The following STAG2 variants were observed in gnomAD, a reference collection of about 807,000 sequenced individuals.
STAG2 encodes STAG2 cohesin complex component.
A neutral mutation model predicts 108.1 loss-of-function variants in STAG2; 14 were observed. The observed-to-expected ratio is 0.13, with a 90% CI of 0.09 to 0.20. STAG2 has a LOEUF of 0.20. Ranked by LOEUF, STAG2 falls within the 10% of genes least tolerant of loss-of-function variation. STAG2 has a pLI of 1.00. For synonymous variants in STAG2, 307 were observed against 302.7 expected, an observed-to-expected ratio of 1.01 and a Z score of -0.15; for missense variants, 440 against 940.9, an observed-to-expected ratio of 0.47 and a Z score of 6.96.
At chrX:124,094,186 C>CT in intron 33 of STAG2, 42 bp downstream of exon 33, 4 of 1,145,802 alleles carry the variant, frequency 3.5e-6, no homozygotes. Flanking sequence ...CAGTTTAGAT[C>CT]TTTTGAAAAT....
chrX:123,984,643 T>A (rs1260160186), intron 1 of STAG2, among the ~76,000 whole-genome samples: 1 of 111,744 alleles, frequency 8.9e-6, no homozygotes, highest in East Asian at 2.8e-4. Flanking sequence ...CAAAATATTT[T>A]ATTTAATTTA....
intron 30 of STAG2, among the ~76,000 whole-genome samples, chrX:124,089,029 C>T (rs954675784): frequency 2.8e-5 from 3 of 106,803 alleles, no homozygotes; most frequent in Non-Finnish European, 5.8e-5. Flanking sequence ...AATTCTCTTG[C>T]CTCAGCCTCC....
At chrX:123,969,156 A>G (rs894159008) in intron 1 of STAG2, among the ~76,000 whole-genome samples, 1 of 112,159 alleles carries the variant, frequency 8.9e-6, no homozygotes, top group Non-Finnish European at 1.9e-5. Flanking sequence ...TTTAATAGTA[A>G]TAGAAGTAGT....
chrX:124,097,069 C>T (rs1252089859), intron 34 of STAG2, among the ~76,000 whole-genome samples: 2 of 106,868 alleles, frequency 1.9e-5, no homozygotes, highest in Admixed American at 2.1e-4. Flanking sequence ...GTCCCAGCTA[C>T]TCAGGAGGGC....
At chrX:123,962,456 A>C (rs910964724) in intron 1 of STAG2, among the ~76,000 whole-genome samples, 2 of 110,733 alleles carry the variant, frequency 1.8e-5, no homozygotes, top group Non-Finnish European at 3.8e-5. Context: ...TTTATTTTTA[A>C]TCCTTAACTG....
At chrX:123,993,733 G>T (rs962209848) in intron 1 of STAG2, among the ~76,000 whole-genome samples, 12 of 111,496 alleles carry the variant, frequency 1.1e-4, no homozygotes, top group African/African-American at 3.9e-4. Flanking sequence ...TATATTAGGG[G>T]ATTTATGAAT....
intron 28 of STAG2, 101 bp from the exon 29 acceptor site, chrX:124,083,319 AG>A: frequency 1.6e-6 from 1 of 636,748 alleles, no homozygotes; most frequent in Non-Finnish European, 2.2e-6. Context: ...TCAAATTAAA[AG>A]CTTGGCAAAG....
rs10218354 is a variant in STAG2, at chrX:124,065,842, T to C, written c.2026-34T>C. On this transcript the variant is annotated intron_variant, in intron 20 of 34. Coordinates refer to ENST00000371145, the MANE Select transcript of STAG2 (RefSeq NM_001042750.2). ...TTTTGATAGCCTAGGAGTTTTCACT[T>C]TGATGGTTCTTAATGTATAATTAAT... The C allele has an allele frequency of 2.2e-3, 2,242 of 1,002,016 alleles. 31 individuals are homozygous for C. The African/African-American group carries it at 0.037, about 17-fold the overall frequency. The allele number at this position is 1,002,016 out of a possible 1,213,427, so 82.6% of individuals were successfully genotyped here. A position where few individuals can be genotyped will look rare whatever the true frequency, so the allele number is the denominator to read the frequency against.
chrX:124,095,206 C>T (rs960241582), intron 33 of STAG2, among the ~76,000 whole-genome samples, 166 bp from the exon 34 acceptor site: 2 of 112,278 alleles, frequency 1.8e-5, no homozygotes, highest in South Asian at 3.7e-4. Context: ...GGATTACAGG[C>T]GTGAGCCACC....
intron 32 of STAG2, among the ~76,000 whole-genome samples, chrX:124,093,473 T>C (rs4363319): frequency 1.5e-5 from 1 of 65,506 alleles, no homozygotes; most frequent in Non-Finnish European, 3.2e-5. Flanking sequence ...CTTATTCATC[T>C]TTTTTTTTTT....
chrX:124,047,513 TTTATA>T lies in STAG2; in HGVS notation c.819+11_819+15del, dbSNP rs750069273. 3.3e-6 allele frequency: 4 copies of T among 1,199,018 alleles called. No homozygotes were observed. The highest frequency in any genetic ancestry group is 3.0e-5 in the East Asian group (1 of 33,543). ...CTACAAAAGCGGAAAGAGGTAAACT[TTTATA>T]TTGAATATTTAGGCTATTGTGTGAC... On this transcript the variant is annotated intron_variant, in intron 9 of 34. Transcript: ENST00000371145.
intron 1 of STAG2, among the ~76,000 whole-genome samples, chrX:123,995,619 G>T (rs192658269): frequency 1.2e-3 from 137 of 110,581 alleles, no homozygotes; most frequent in Non-Finnish European, 2.3e-3. Context: ...GCGTGAACCC[G>T]GGAGGCAGAG....
chrX:124,063,823 G>T (rs763048033), intron 19 of STAG2, 25 bp from the exon 20 acceptor site: 2 of 1,186,799 alleles, frequency 1.7e-6, no homozygotes, highest in South Asian at 3.6e-5. Flanking sequence ...CCTTAGTTTT[G>T]ATGAAAAATA....
chrX:124,071,386 A>G, intron 25 of STAG2, 63 bp downstream of exon 25: 1 of 901,314 alleles, frequency 1.1e-6, no homozygotes, highest in Non-Finnish European at 1.5e-6. Context: ...TTAAGTAACA[A>G]TGATGTACAT....
intron 1 of STAG2, among the ~76,000 whole-genome samples, chrX:124,014,155 A>G (rs746529523): frequency 1.4e-4 from 16 of 110,842 alleles, no homozygotes; most frequent in Non-Finnish European, 3.0e-4. Context: ...GAGCAGGTGG[A>G]TGTATCCCGT....
At chrX:124,039,279 C>A (rs2057624253) in intron 6 of STAG2, among the ~76,000 whole-genome samples, 1 of 108,825 alleles carries the variant, frequency 9.2e-6, no homozygotes, top group African/African-American at 3.3e-5. Flanking sequence ...CCTTAACCTC[C>A]TGAATAGCTG....
At chrX:124,060,003 A>G (rs1369266060) in intron 15 of STAG2, among the ~76,000 whole-genome samples, 1 of 111,456 alleles carries the variant, frequency 9.0e-6, no homozygotes, top group Non-Finnish European at 1.9e-5. Flanking sequence ...ATGTTCATAA[A>G]GGATTTAGAT....
At chrX:123,983,245 G>C (rs1231130189) in intron 1 of STAG2, among the ~76,000 whole-genome samples, 1 of 106,662 alleles carries the variant, frequency 9.4e-6, no homozygotes, top group Non-Finnish European at 1.9e-5. Flanking sequence ...TTTTTTTTTA[G>C]TATTTAGATG....
intron 25 of STAG2, among the ~76,000 whole-genome samples, chrX:124,073,346 C>T (rs2058721295): frequency 9.0e-6 from 1 of 111,020 alleles, no homozygotes; most frequent in African/African-American, 3.3e-5. Context: ...AGTAAGCTTG[C>T]CAAAACTCTT....
Sources: allele counts gnomAD v4.1 joint callset (sites outside exome capture counted in the v4.1 genomes callset), GRCh38; gene constraint gnomAD v4.1.1; transcripts MANE v1.5; gene names NCBI Gene and HGNC (gene_info 2026-07-23, HGNC 2026-07-21).